Variants in RASAL2 observed in about 807,000 individuals in gnomAD.
RASAL2 encodes RAS protein activator like 2, also known as ras GTPase-activating protein nGAP.
A neutral mutation model predicts 128.9 loss-of-function variants in RASAL2; 58 were observed. The ratio of observed to expected loss-of-function variants is 0.45; its 90% CI spans 0.36 to 0.56. The LOEUF (loss-of-function observed/expected upper bound fraction) is 0.56, where lower values mean the gene tolerates loss of function less well. RASAL2 is among the 20% of genes least tolerant of loss of function. RASAL2 has a pLI of 0.00. For missense variants in RASAL2, 1,360 were observed against 1,601.6 expected (o/e 0.85, Z 2.57); for synonymous variants, 561 against 580.8 (o/e 0.97, Z 0.49).
chr1:178,098,782 C>G (rs562877293), intron 1 of RASAL2, among the ~76,000 whole-genome samples: 5 of 152,202 alleles, frequency 3.3e-5, no homozygotes, highest in African/African-American at 1.2e-4. Flanking sequence ...ACATTATTAC[C>G]ATTAAGCTTG....
chr1:178,327,489 G>C (rs976020557), intron 3 of RASAL2, among the ~76,000 whole-genome samples: 4 of 152,006 alleles, frequency 2.6e-5, no homozygotes, highest in Admixed American at 1.3e-4. Context: ...GGGACTACAG[G>C]CACATACCAT....
intron 1 of RASAL2, among the ~76,000 whole-genome samples, chr1:178,151,460 A>G (rs903700931): frequency 7.9e-5 from 12 of 152,172 alleles, no homozygotes; most frequent in African/African-American, 2.7e-4. Context: ...ATTAAACAAG[A>G]TTATGTATTG....
chr1:178,420,062 G>A (rs1675041514), intron 4 of RASAL2, among the ~76,000 whole-genome samples: 1 of 152,070 alleles, frequency 6.6e-6, no homozygotes, highest in South Asian at 2.1e-4. Flanking sequence ...AATGCGCCAA[G>A]TACCTTCTCA....
At chr1:178,275,217 G>A (rs1666442381) in intron 1 of RASAL2, among the ~76,000 whole-genome samples, 1 of 152,172 alleles carries the variant, frequency 6.6e-6, no homozygotes, top group African/African-American at 2.4e-5. Flanking sequence ...GTTGTGCTGT[G>A]TTGCCCCGGT....
chr1:178,107,508 A>G (rs1447050846), intron 1 of RASAL2, among the ~76,000 whole-genome samples: 5 of 152,164 alleles, frequency 3.3e-5, no homozygotes, highest in Non-Finnish European at 7.4e-5. Flanking sequence ...TGCTATATTT[A>G]ATAAGTATAC....
At position 178,460,970 on chromosome 1, in the gene RASAL2, C is replaced by T. The variant is rs184276462; in HGVS notation, c.3252+2426C>T. Among the ~76,000 whole-genome samples the T allele has an allele frequency of 1.3e-4, 20 of 152,094 alleles. No homozygotes were observed. In the East Asian group the frequency reaches 2.5e-3, roughly 19 times the overall value. ...CTGGGATTACAGATGCCCACCACCA[C>T]GCCTGGCTAATTTTTGTATTTTTAG... is the stretch of plus-strand genomic sequence containing the variant. On this transcript the variant is annotated intron_variant, in intron 14 of 17. Coordinates refer to ENST00000367649, the MANE Select transcript of RASAL2 (RefSeq NM_170692.4).
At chr1:178,415,684 A>G (rs1041163733) in intron 4 of RASAL2, among the ~76,000 whole-genome samples, 1 of 152,098 alleles carries the variant, frequency 6.6e-6, no homozygotes, top group African/African-American at 2.4e-5. Flanking sequence ...TCAACTATAT[A>G]GATTTATCTG....
intron 1 of RASAL2, among the ~76,000 whole-genome samples, chr1:178,260,036 C>T (rs1665593044): frequency 6.6e-6 from 1 of 151,864 alleles, no homozygotes; most frequent in Non-Finnish European, 1.5e-5. Flanking sequence ...TTGCCTTCGT[C>T]ACAGATGTAA....
chr1:178,451,751 A>T (rs1219363169), intron 10 of RASAL2, 36 bp downstream of exon 10: 2 of 1,594,864 alleles, frequency 1.3e-6, no homozygotes, highest in Non-Finnish European at 1.7e-6. Flanking sequence ...ACATTTTTTC[A>T]TGTAAAGGTC....
At chr1:178,362,757 G>T (rs1265371641) in intron 3 of RASAL2, among the ~76,000 whole-genome samples, 1 of 151,464 alleles carries the variant, frequency 6.6e-6, no homozygotes, top group Non-Finnish European at 1.5e-5. Flanking sequence ...GTGAGATCAT[G>T]CAGTGTTTTT....
intron 1 of RASAL2, among the ~76,000 whole-genome samples, chr1:178,219,944 G>A (rs79952579): frequency 3.9e-5 from 6 of 152,030 alleles, no homozygotes; most frequent in Non-Finnish European, 8.8e-5. Context: ...TGGATCCCTC[G>A]TGAATGGCTG....
chr1:178,189,192 T>G (rs1280405705), intron 1 of RASAL2, among the ~76,000 whole-genome samples: 1 of 152,198 alleles, frequency 6.6e-6, no homozygotes, highest in East Asian at 1.9e-4. Flanking sequence ...ATAAGAGACC[T>G]TCAGCAATAG....
chr1:178,372,247 C>T (rs1671762556), intron 3 of RASAL2: 1 of 985,310 alleles, frequency 1.0e-6, no homozygotes, highest in South Asian at 4.7e-5. Context: ...GAGAATGAGT[C>T]TCCTTTCCCC....
intron 1 of RASAL2, among the ~76,000 whole-genome samples, chr1:178,254,611 T>G (rs1313933397): frequency 6.6e-6 from 1 of 152,188 alleles, no homozygotes; most frequent in African/African-American, 2.4e-5. Flanking sequence ...CTCCCACTAC[T>G]GAGCTCACTG....
chr1:178,180,310 T>C (rs1221524196), intron 1 of RASAL2, among the ~76,000 whole-genome samples: 2 of 151,820 alleles, frequency 1.3e-5, no homozygotes, highest in African/African-American at 4.8e-5. Context: ...TAGAAATCTT[T>C]CCCTTTACCA....
At chr1:178,391,599 A>G (rs1209839739) in intron 4 of RASAL2, among the ~76,000 whole-genome samples, 1 of 152,200 alleles carries the variant, frequency 6.6e-6, no homozygotes, top group East Asian at 1.9e-4. Context: ...AGAATGTCTA[A>G]TTTTCAGGTC....
At chr1:178,319,249 G>A (rs1668635169) in intron 3 of RASAL2, among the ~76,000 whole-genome samples, 1 of 151,816 alleles carries the variant, frequency 6.6e-6, no homozygotes, top group Non-Finnish European at 1.5e-5. Context: ...TTTCAACTTT[G>A]GTGAATCTGA....
At chr1:178,213,307 G>A (rs1020167302) in intron 1 of RASAL2, among the ~76,000 whole-genome samples, 1 of 152,164 alleles carries the variant, frequency 6.6e-6, no homozygotes, top group Non-Finnish European at 1.5e-5. Flanking sequence ...GCTTCCCAAA[G>A]TGCAGGGATT....
chr1:178,300,057 T>C lies in RASAL2; in HGVS notation c.396T>C (p.Thr132=). 1 of 1,614,048 alleles carries C rather than the reference T, an allele frequency of 6.2e-7. No individual in the cohort carries two copies. Among genetic ancestry groups the C allele is most frequent in the Non-Finnish European group, 8.5e-7 (1 of 1,179,954 alleles). Residue 132 remains threonine, a synonymous_variant, in exon 3 of 18, where the codon ACT becomes ACC. Transcript: ENST00000367649. The part of the protein sequence containing the change: ...DSTKGRCLRR[T]VSVPSEGQFP... ...CCAAAGGGCGATGCCTGAGGAGAACTGTCAGTGTCCCTTCCGAGGGTCAGT... is the reference window on the plus strand; with the variant it reads ...CCAAAGGGCGATGCCTGAGGAGAACCGTCAGTGTCCCTTCCGAGGGTCAGT...
Sources: gnomAD v4.1 joint callset for allele counts (sites outside exome capture counted in the v4.1 genomes callset) on GRCh38, gnomAD v4.1.1 for gene constraint, MANE v1.5 for transcripts, NCBI Gene and HGNC (gene_info 2026-07-23, HGNC 2026-07-21) for gene names.